The following LYN variants were observed in gnomAD, a reference collection of about 807,000 sequenced individuals.
LYN encodes the protein tyrosine-protein kinase Lyn.
A neutral mutation model predicts 65.0 loss-of-function variants in LYN; 12 were observed. The observed-to-expected ratio is 0.18, with a 90% confidence interval of 0.12 to 0.30. The LOEUF (loss-of-function observed/expected upper bound fraction) is 0.30. Among genes scored for constraint, LYN ranks in the 10% least tolerant of loss-of-function variants. The probability of loss-of-function intolerance (pLI) is 1.00; values close to 1 mark genes in which losing one functional copy is unlikely to be tolerated. For missense variants in LYN, 380 were observed against 623.2 expected (o/e 0.61, Z 4.16); for synonymous variants, 222 against 221.2 (o/e 1.00, Z -0.03).
rs1207314245 is a variant in LYN at position 56,010,742 on chromosome 8, A to G, written c.*632A>G. ...TGCTCAGACCTGCTAGACATGCCAT[A>G]GGAGTGGCGTGCACATCTCTCTCTC... On this transcript the variant is annotated 3_prime_UTR_variant, in exon 13 of 13. Transcript: ENST00000519728. The G allele has an allele frequency of 4.3e-6, 1 of 230,466 alleles. No homozygotes were observed. Among genetic ancestry groups the G allele is most frequent in the African/African-American group, 2.2e-5 (1 of 45,110 alleles). The allele number at this position is 230,466 out of a possible 1,614,324, so 14.3% of individuals were successfully genotyped here. A position where few individuals can be genotyped will look rare whatever the true frequency, so the allele number is the denominator to read the frequency against.
chr8:55,972,001 G>A (rs1807621092), intron 10 of LYN, among the ~76,000 whole-genome samples: 2 of 152,164 alleles, frequency 1.3e-5, no homozygotes, highest in South Asian at 4.1e-4. Flanking sequence ...CTCGGTGACA[G>A]GAGGGCCTGG....
chr8:55,946,446 A>C lies in LYN; in HGVS notation c.133-2A>C. On this transcript the variant is annotated splice_acceptor_variant, in intron 2 of 12. Coordinates refer to ENST00000519728, the MANE Select transcript of LYN (RefSeq NM_002350.4). LOFTEE classifies it high-confidence loss of function. ...TTTTTTCTAACAAATATTCTCTCGT[A>C]GGTTCCAGAATCTCAGCTTTTACCT... 1 of 1,601,398 alleles carries C rather than the reference A, an allele frequency of 6.2e-7. No homozygotes were observed. The highest frequency in any genetic ancestry group is 8.6e-7 in the Non-Finnish European group (1 of 1,169,034).
chr8:55,930,147 G>A (rs1806218408), intron 1 of LYN, among the ~76,000 whole-genome samples: 1 of 152,140 alleles, frequency 6.6e-6, no homozygotes, highest in African/African-American at 2.4e-5. Flanking sequence ...TGCCTTCCAT[G>A]AAACCAGTCA....
At chr8:55,960,471 G>A (rs191354383) in intron 8 of LYN, among the ~76,000 whole-genome samples, 5 of 152,278 alleles carry the variant, frequency 3.3e-5, no homozygotes, top group Admixed American at 6.5e-5. Context: ...GTCAGTCAGC[G>A]AGCTCCTTCT....
intron 1 of LYN, among the ~76,000 whole-genome samples, chr8:55,940,925 C>A (rs186655508): frequency 2.6e-5 from 4 of 152,142 alleles, no homozygotes; most frequent in Non-Finnish European, 4.4e-5. Context: ...TTGCGGAGAC[C>A]GTCATTTTGC....
rs1261207552 is a variant in LYN at position 55,995,380 on chromosome 8, C to T, written c.1051-2966C>T. On this transcript the variant is annotated intron_variant, in intron 10 of 12. Transcript: ENST00000519728. ...ACAGTTGGGAGAAAGGCAGGGGACACGAAGTCACTGCTCTCCAAACCTGCC... is the reference window on the plus strand; with the variant it reads ...ACAGTTGGGAGAAAGGCAGGGGACATGAAGTCACTGCTCTCCAAACCTGCC... Among the ~76,000 whole-genome samples the T allele has an allele frequency of 3.3e-5, 5 of 152,168 alleles. No homozygotes were observed. The East Asian group carries it at 5.8e-4, about 18-fold the overall frequency.
At chr8:55,986,574 T>C (rs760593456) in intron 10 of LYN, among the ~76,000 whole-genome samples, 56 of 152,168 alleles carry the variant, frequency 3.7e-4, no homozygotes, top group Non-Finnish European at 7.3e-4. Flanking sequence ...CCCTAAGGCA[T>C]TGTGGGTCCT....
At chr8:55,963,061 C>A (rs1039385983) in intron 8 of LYN, among the ~76,000 whole-genome samples, 7 of 152,236 alleles carry the variant, frequency 4.6e-5, no homozygotes, top group African/African-American at 1.7e-4. Context: ...TCCCTCTAGT[C>A]CCCACCTCCA....
At position 55,947,656 on chromosome 8, in the gene LYN, C is replaced by G. The variant is rs180953595; in HGVS notation, c.217C>G (p.Pro73Ala). The change falls in exon 4 of 13, where the codon CCC becomes GCC. Residue 73 changes from proline (P) to alanine (A), a missense_variant. Coordinates refer to ENST00000519728, the MANE Select transcript of LYN (RefSeq NM_002350.4). ...EQGDIVVALYPYDGIHPDDLS... is the reference protein window; with the variant it reads ...EQGDIVVALYAYDGIHPDDLS... The stretch of plus-strand genomic sequence containing the variant: ...AGGAGACATTGTGGTAGCCTTGTAC[C>G]CCTATGATGGCATCCACCCGGACGA... 2 of 1,613,870 alleles carry G rather than the reference C, an allele frequency of 1.2e-6. No individual in the cohort carries two copies. The highest frequency in any genetic ancestry group is 1.7e-6 in the Non-Finnish European group (2 of 1,179,824).
At chr8:55,889,869 T>C (rs1804903152) in intron 1 of LYN, among the ~76,000 whole-genome samples, 1 of 151,892 alleles carries the variant, frequency 6.6e-6, no homozygotes, top group South Asian at 2.1e-4. Context: ...AGCCTCAGAG[T>C]CCTCATGTTT....
At chr8:55,932,892 T>C (rs1030139448) in intron 1 of LYN, among the ~76,000 whole-genome samples, 4 of 152,204 alleles carry the variant, frequency 2.6e-5, no homozygotes, top group African/African-American at 9.7e-5. Flanking sequence ...GGCTCTCACT[T>C]ATGAATGGGA....
chr8:56,012,761 A>G lies in LYN; in HGVS notation c.*2651A>G, dbSNP rs1344481126. The G allele has an allele frequency of 2.6e-5, 4 of 152,398 alleles. No homozygotes were observed. Among genetic ancestry groups the G allele is most frequent in the Non-Finnish European group, 5.9e-5 (4 of 68,262 alleles). 9.4% of individuals were successfully genotyped at this position (152,398 alleles called of 1,614,324 possible). On this transcript the variant is annotated 3_prime_UTR_variant, in exon 13 of 13. Transcript: ENST00000519728. ...ACAAAAAAACCCTTCCCTGGTGAAT[A>G]TAATGTATGCTCAGTCTTGAGAGTC... is the stretch of plus-strand genomic sequence containing the variant.
intron 9 of LYN, among the ~76,000 whole-genome samples, chr8:55,968,067 C>T (rs1184864331): frequency 2.0e-5 from 3 of 152,106 alleles, no homozygotes; most frequent in African/African-American, 7.2e-5. Context: ...CAAACAATGG[C>T]ATTGTTTGTT....
rs375835961 is a variant in LYN at position 55,984,208 on chromosome 8, G to T, written c.1051-14138G>T. 6.6e-5 allele frequency among the ~76,000 whole-genome samples: 10 copies of T among 152,166 alleles called. No individual in the cohort carries two copies. The East Asian group carries it at 9.7e-4, about 15-fold the overall frequency. ...TGGAAAGACTCTATTTCCAAATAAGGCCACATTCTGAGGTTCCGGGTGGTC... is the reference window on the plus strand; with the variant it reads ...TGGAAAGACTCTATTTCCAAATAAGTCCACATTCTGAGGTTCCGGGTGGTC... On this transcript the variant is annotated intron_variant, in intron 10 of 12. Transcript: ENST00000519728.
At chr8:55,977,863 G>A (rs904785094) in intron 10 of LYN, among the ~76,000 whole-genome samples, 4 of 152,038 alleles carry the variant, frequency 2.6e-5, no homozygotes, top group South Asian at 2.1e-4. Flanking sequence ...AGGCTCAAGT[G>A]AGCTATGATT....
intron 2 of LYN, among the ~76,000 whole-genome samples, chr8:55,943,512 G>A (rs1806687110): frequency 6.8e-6 from 1 of 146,598 alleles, no homozygotes; most frequent in Admixed American, 7.0e-5. Context: ...GAGGGTGGAG[G>A]TTGCAGTGAG....
intron 1 of LYN, among the ~76,000 whole-genome samples, chr8:55,937,536 T>A (rs768806997): frequency 7.2e-5 from 11 of 152,212 alleles, no homozygotes; most frequent in Non-Finnish European, 1.2e-4. Context: ...AGCGGGAACA[T>A]CCTTATGCCC....
intron 12 of LYN, among the ~76,000 whole-genome samples, chr8:56,003,068 T>G (rs1019686910): frequency 6.6e-5 from 10 of 151,664 alleles, no homozygotes; most frequent in African/African-American, 1.5e-4. Context: ...TTTTGTTTTT[T>G]TTTTTTTTTG....
chr8:55,920,931 A>C (rs1216783534), intron 1 of LYN, among the ~76,000 whole-genome samples: 2 of 152,130 alleles, frequency 1.3e-5, no homozygotes, highest in East Asian at 3.8e-4. Flanking sequence ...TCCTGACCTC[A>C]GGTGATCTGC....
Sources: gnomAD v4.1 joint callset for allele counts (sites outside exome capture counted in the v4.1 genomes callset) on GRCh38, gnomAD v4.1.1 for gene constraint, MANE v1.5 for transcripts, NCBI Gene and HGNC (gene_info 2026-07-23, HGNC 2026-07-21) for gene names.